The following PDE8A variants were observed in gnomAD, a reference collection of about 807,000 sequenced individuals.
PDE8A encodes the protein phosphodiesterase 8A, also known as high affinity cAMP-specific and IBMX-insensitive 3',5'-cyclic phosphodiesterase 8A.
A neutral mutation model predicts 105.0 loss-of-function variants in PDE8A; 59 were observed. The ratio of observed to expected loss-of-function variants is 0.56; its 90% confidence interval spans 0.46 to 0.70. The LOEUF (loss-of-function observed/expected upper bound fraction) is 0.70, where lower values mean the gene tolerates loss of function less well. PDE8A is among the 30% of genes least tolerant of loss of function. The pLI is 0.00. For synonymous variants in PDE8A, 355 were observed against 371.9 expected (o/e 0.95, Z 0.52); for missense variants, 1,014 against 1,045.9 (o/e 0.97, Z 0.42).
chr15:85,043,341 G>C (rs544593919), intron 1 of PDE8A, among the ~76,000 whole-genome samples: 250 of 152,282 alleles, frequency 1.6e-3, no homozygotes, highest in African/African-American at 5.7e-3. Flanking sequence ...TCTGACAGAT[G>C]AATAGGCAAG....
chr15:85,004,949 A>T (rs1029032013), intron 1 of PDE8A, among the ~76,000 whole-genome samples: 2 of 150,304 alleles, frequency 1.3e-5, no homozygotes, highest in Non-Finnish European at 3.0e-5. Flanking sequence ...CTCTTCCACC[A>T]TAATGGAATC....
intron 11 of PDE8A, among the ~76,000 whole-genome samples, chr15:85,106,340 T>A (rs761631810): frequency 2.0e-5 from 3 of 152,152 alleles, no homozygotes; most frequent in Non-Finnish European, 4.4e-5. Flanking sequence ...GAATTATTAC[T>A]GTAACTCCTA....
intron 20 of PDE8A, 36 bp from the exon 21 acceptor site, chr15:85,136,498 T>C (rs925596839): frequency 6.3e-7 from 1 of 1,595,920 alleles, no homozygotes. Flanking sequence ...TGGAACCAGA[T>C]GTTGGGGTCT....
At chr15:85,026,756 C>A (rs958381344) in intron 1 of PDE8A, among the ~76,000 whole-genome samples, 6 of 152,064 alleles carry the variant, frequency 3.9e-5, no homozygotes, top group Middle Eastern at 3.4e-3. Flanking sequence ...TCCAGCCTGG[C>A]CCTGTCTCAA....
In PDE8A at chr15:85,100,155, G is replaced by A. The variant is rs1340726013; in HGVS notation, c.994-1G>A. The A allele has an allele frequency of 7.4e-6, 12 of 1,614,020 alleles. No individual in the cohort carries two copies. The highest frequency in any genetic ancestry group is 1.6e-4 in the Middle Eastern group (1 of 6,062). On this transcript the variant is annotated splice_acceptor_variant, in intron 10 of 21. Coordinates refer to ENST00000394553, the MANE Select transcript of PDE8A (RefSeq NM_002605.3). LOFTEE classifies it high-confidence loss of function. Reference sequence around the variant, plus strand: ...TAATGGCTTTTAAAATTCACTTTTAGGCTGAGAAAATATCCGAATGTGTTC... The same window carrying A: ...TAATGGCTTTTAAAATTCACTTTTAAGCTGAGAAAATATCCGAATGTGTTC...
At chr15:85,029,896 A>G (rs963170650) in intron 1 of PDE8A, among the ~76,000 whole-genome samples, 11 of 152,116 alleles carry the variant, frequency 7.2e-5, no homozygotes, top group African/African-American at 2.4e-4. Flanking sequence ...GGGAAGGGGG[A>G]CACTCTTTTA....
At chr15:85,032,361 C>T (rs2080629811) in intron 1 of PDE8A, among the ~76,000 whole-genome samples, 1 of 152,184 alleles carries the variant, frequency 6.6e-6, no homozygotes, top group Non-Finnish European at 1.5e-5. Flanking sequence ...TGGATTTTCT[C>T]TATCTTGTAA....
chr15:85,049,691 G>T (rs1197839987), intron 1 of PDE8A, among the ~76,000 whole-genome samples: 1 of 152,146 alleles, frequency 6.6e-6, no homozygotes, highest in African/African-American at 2.4e-5. Flanking sequence ...GGGACTGCAG[G>T]CACACGCCAC....
At chr15:85,017,741 G>A (rs543038625) in intron 1 of PDE8A, among the ~76,000 whole-genome samples, 72 of 152,020 alleles carry the variant, frequency 4.7e-4, no homozygotes, top group Non-Finnish European at 5.6e-4. Context: ...ATAAATATTA[G>A]CCGGGTGTGG....
rs1051668185 is a variant in PDE8A, at chr15:85,137,940, T to G, written c.*37T>G. The G allele has an allele frequency of 1.5e-6, 2 of 1,330,436 alleles. No individual in the cohort carries two copies. Among genetic ancestry groups the G allele is most frequent in the South Asian group, 2.4e-5 (2 of 84,268 alleles). 82.4% of individuals were successfully genotyped at this position (1,330,436 alleles called of 1,614,324 possible). ...ACCCAGAGCCCTGAAGCTTTGTTCCTTCGGTCATTTGGAATTCCTGAGGGC... is the reference window on the plus strand; with the variant it reads ...ACCCAGAGCCCTGAAGCTTTGTTCCGTCGGTCATTTGGAATTCCTGAGGGC... On this transcript the variant is annotated 3_prime_UTR_variant, in exon 22 of 22. Transcript: ENST00000394553.
intron 1 of PDE8A, among the ~76,000 whole-genome samples, chr15:85,009,722 T>C (rs1483706172): frequency 6.6e-6 from 1 of 152,230 alleles, no homozygotes; most frequent in Non-Finnish European, 1.5e-5. Context: ...GGAAAACTGT[T>C]GGCAATATTT....
At chr15:85,017,902 A>G (rs2080355216) in intron 1 of PDE8A, among the ~76,000 whole-genome samples, 1 of 151,466 alleles carries the variant, frequency 6.6e-6, no homozygotes, top group Admixed American at 6.6e-5. Flanking sequence ...AAAAAAAAGC[A>G]ATAGTGGGAG....
At position 85,075,931 on chromosome 15, in the gene PDE8A, T is replaced by G; in HGVS notation, c.491+13T>G. 2 of 1,470,254 alleles carry G rather than the reference T, an allele frequency of 1.4e-6. No homozygotes were observed. The highest frequency in any genetic ancestry group is 1.9e-6 in the Non-Finnish European group (2 of 1,057,320). The allele number at this position is 1,470,254 out of a possible 1,614,324, so 91.1% of individuals were successfully genotyped here. On this transcript the variant is annotated intron_variant, in intron 4 of 21. Coordinates refer to ENST00000394553, the MANE Select transcript of PDE8A (RefSeq NM_002605.3). Reference sequence around the variant, plus strand: ...GTGTAGTACGCAGGTAAACTTTCATTTTTTTAATGTTGAAATTGAGGTACC... The same window carrying G: ...GTGTAGTACGCAGGTAAACTTTCATGTTTTTAATGTTGAAATTGAGGTACC...
At chr15:85,029,976 T>A (rs1034609854) in intron 1 of PDE8A, among the ~76,000 whole-genome samples, 1 of 152,148 alleles carries the variant, frequency 6.6e-6, no homozygotes, top group African/African-American at 2.4e-5. Flanking sequence ...AGGGGTTCTG[T>A]GTGCGTCTGC....
intron 6 of PDE8A, among the ~76,000 whole-genome samples, chr15:85,087,820 A>G (rs148499354): frequency 3.3e-5 from 5 of 152,334 alleles, no homozygotes; most frequent in South Asian, 2.1e-4. Flanking sequence ...TTGTTTTTGT[A>G]TGCATATTAC....
chr15:85,003,770 C>T (rs1289483550), intron 1 of PDE8A, among the ~76,000 whole-genome samples: 2 of 152,142 alleles, frequency 1.3e-5, no homozygotes, highest in Non-Finnish European at 2.9e-5. Flanking sequence ...GTGTAGCCTG[C>T]CTAAGAGATA....
chr15:85,077,015 A>G (rs1331291187), intron 5 of PDE8A, among the ~76,000 whole-genome samples: 2 of 152,072 alleles, frequency 1.3e-5, no homozygotes, highest in Non-Finnish European at 2.9e-5. Context: ...AACCTGCCTC[A>G]ATCGTACTTA....
intron 1 of PDE8A, among the ~76,000 whole-genome samples, chr15:85,051,881 T>C (rs1157573035): frequency 1.3e-5 from 2 of 152,188 alleles, no homozygotes; most frequent in African/African-American, 4.8e-5. Flanking sequence ...TGCAGGTTTG[T>C]TACATATGTA....
intron 1 of PDE8A, among the ~76,000 whole-genome samples, chr15:85,014,683 A>G (rs923568364): frequency 6.6e-6 from 1 of 152,158 alleles, no homozygotes; most frequent in South Asian, 2.1e-4. Flanking sequence ...CATACTGTAC[A>G]TAGTACTCTT....
Sources: allele counts gnomAD v4.1 joint callset (sites outside exome capture counted in the v4.1 genomes callset), GRCh38; gene constraint gnomAD v4.1.1; transcripts MANE v1.5; gene names NCBI Gene and HGNC (gene_info 2026-07-23, HGNC 2026-07-21).